MAP2K1: variants seen among roughly 807,000 people sequenced by gnomAD.
The protein encoded by MAP2K1 is dual specificity mitogen-activated protein kinase kinase 1.
Under a neutral mutation model 46.3 loss-of-function variants are expected in MAP2K1, and 16 were observed. The ratio of observed to expected loss-of-function variants is 0.35; its 90% confidence interval spans 0.23 to 0.52. The LOEUF (loss-of-function observed/expected upper bound fraction) is 0.52. Ranked by LOEUF, MAP2K1 falls within the 20% of genes least tolerant of loss-of-function variation. The pLI, the probability that MAP2K1 is intolerant of heterozygous loss-of-function variation, is 0.94. For missense variants in MAP2K1, 263 were observed against 497.1 expected (o/e 0.53, Z 4.48); for synonymous variants, 183 against 185.6 (o/e 0.99, Z 0.11).
At chr15:66,443,643 G>A (rs1891780169) in intron 4 of MAP2K1, among the ~76,000 whole-genome samples, 1 of 152,160 alleles carries the variant, frequency 6.6e-6, no homozygotes, top group South Asian at 2.1e-4. Context: ...GGCCAAGGCA[G>A]GAGGACTGCT....
chr15:66,391,842 G>T (rs1380886302), intron 1 of MAP2K1, among the ~76,000 whole-genome samples: 1 of 152,044 alleles, frequency 6.6e-6, no homozygotes, highest in African/African-American at 2.4e-5. Flanking sequence ...CTGGTTATGT[G>T]TATACCCTTG....
chr15:66,435,492 AT>A (rs1354004498), intron 2 of MAP2K1, among the ~76,000 whole-genome samples: 1 of 151,510 alleles, frequency 6.6e-6, no homozygotes, highest in Non-Finnish European at 1.5e-5. Context: ...TGCATGGCTA[AT>A]TTTTTTGTAT....
intron 1 of MAP2K1, among the ~76,000 whole-genome samples, chr15:66,418,723 C>T (rs2093430193): frequency 6.6e-6 from 1 of 151,330 alleles, no homozygotes; most frequent in Admixed American, 6.6e-5. Context: ...AGTGCAGTGG[C>T]GGGATCTCAG....
intron 5 of MAP2K1, among the ~76,000 whole-genome samples, chr15:66,472,198 G>A (rs1182224610): frequency 2.6e-5 from 4 of 152,036 alleles, no homozygotes; most frequent in African/African-American, 9.7e-5. Context: ...CAGCTATTTG[G>A]GAAGCTGAGG....
At chr15:66,409,343 T>A (rs2093405692) in intron 1 of MAP2K1, among the ~76,000 whole-genome samples, 1 of 152,176 alleles carries the variant, frequency 6.6e-6, no homozygotes, top group South Asian at 2.1e-4. Flanking sequence ...TTCCCTATTC[T>A]GTGGCGTTCT....
At position 66,479,296 on chromosome 15, in the gene MAP2K1, C is replaced by T. The variant is rs973583739; in HGVS notation, c.569-2459C>T. Among the ~76,000 whole-genome samples, 11 of 151,930 alleles carry T rather than the reference C, an allele frequency of 7.2e-5. 1 individual carries two copies. The highest frequency in any genetic ancestry group is 2.7e-4 in the African/African-American group (11 of 41,346). On this transcript the variant is annotated intron_variant, in intron 5 of 10. Transcript: ENST00000307102. ...TATCTTCACTACAGAGAAGGTTTCA[C>T]CATGTTGGCCAGGCTGGTCTTGAAC...
intron 8 of MAP2K1, chr15:66,488,799 G>C (rs896885346): frequency 8.8e-6 from 2 of 227,794 alleles, no homozygotes; most frequent in East Asian, 1.1e-4. Flanking sequence ...GTTGCTGCCA[G>C]TAAATTGCTG....
intron 5 of MAP2K1, among the ~76,000 whole-genome samples, chr15:66,452,518 G>C (rs1264508727): frequency 6.6e-6 from 1 of 152,126 alleles, no homozygotes; most frequent in Non-Finnish European, 1.5e-5. Context: ...CTAGGAAATA[G>C]GAGTAGCTGA....
chr15:66,459,982 T>A (rs978413949), intron 5 of MAP2K1, among the ~76,000 whole-genome samples: 2 of 152,228 alleles, frequency 1.3e-5, no homozygotes, highest in East Asian at 1.9e-4. Flanking sequence ...GATTCTGTTC[T>A]GAGCATGGTT....
intron 1 of MAP2K1, among the ~76,000 whole-genome samples, chr15:66,403,240 A>C (rs2093386756): frequency 6.6e-6 from 1 of 152,222 alleles, no homozygotes; most frequent in Non-Finnish European, 1.5e-5. Context: ...AGTTTACCCA[A>C]CATTAAATTT....
At chr15:66,466,698 T>C (rs991695504) in intron 5 of MAP2K1, among the ~76,000 whole-genome samples, 2 of 152,086 alleles carry the variant, frequency 1.3e-5, no homozygotes, top group African/African-American at 4.8e-5. Flanking sequence ...AAACAAATTG[T>C]TAAAACCTGT....
intron 1 of MAP2K1, among the ~76,000 whole-genome samples, chr15:66,399,418 C>G (rs1447712988): frequency 6.6e-6 from 1 of 152,124 alleles, no homozygotes; most frequent in Non-Finnish European, 1.5e-5. Flanking sequence ...GTATGATAAA[C>G]ATCACATTAA....
At chr15:66,408,561 G>T (rs576951740) in intron 1 of MAP2K1, among the ~76,000 whole-genome samples, 1 of 152,162 alleles carries the variant, frequency 6.6e-6, no homozygotes, top group East Asian at 1.9e-4. Flanking sequence ...GTATGGGGTT[G>T]TGTTGGGCGG....
intron 5 of MAP2K1, among the ~76,000 whole-genome samples, chr15:66,480,939 A>T (rs55905802): frequency 0.014 from 2,117 of 152,314 alleles, 29 homozygotes; most frequent in Non-Finnish European, 0.02. Flanking sequence ...GAATCAGAGG[A>T]TACAGCGGAA....
At position 66,469,013 on chromosome 15, in the gene MAP2K1, T is replaced by G. The variant is rs1157172178; in HGVS notation, c.569-12742T>G. 2.7e-5 allele frequency among the ~76,000 whole-genome samples: 4 copies of G among 146,848 alleles called. No homozygotes were observed. In the East Asian group the frequency reaches 8.3e-4, roughly 30 times the overall value. ...TGGCTCATGCCTGTAACCTCAGCAC[T>G]TTGGGAGGCCGAGGCGGGTGGATCA... On this transcript the variant is annotated intron_variant, in intron 5 of 10. Transcript: ENST00000307102.
intron 1 of MAP2K1, among the ~76,000 whole-genome samples, chr15:66,421,139 T>A (rs901660650): frequency 2.0e-5 from 3 of 146,564 alleles, no homozygotes; most frequent in East Asian, 4.0e-4. Flanking sequence ...TATATATATA[T>A]AAATTTTTTT....
chr15:66,426,036 T>C (rs2140563615), intron 1 of MAP2K1, among the ~76,000 whole-genome samples: 1 of 152,306 alleles, frequency 6.6e-6, no homozygotes, highest in East Asian at 1.9e-4. Context: ...AAAAGGAGAT[T>C]AGAAGAAAAT....
chr15:66,476,696 A>C (rs1449079408), intron 5 of MAP2K1, among the ~76,000 whole-genome samples: 1 of 152,188 alleles, frequency 6.6e-6, no homozygotes, highest in African/African-American at 2.4e-5. Context: ...GCTCTGAGGC[A>C]GAGGGCAGCC....
At chr15:66,488,115 G>T (rs1345758486) in intron 8 of MAP2K1, among the ~76,000 whole-genome samples, 1 of 151,908 alleles carries the variant, frequency 6.6e-6, no homozygotes, top group Non-Finnish European at 1.5e-5. Context: ...CATGGCAGTT[G>T]TTCTACTGCA....
Sources: allele counts gnomAD v4.1 joint callset (sites outside exome capture counted in the v4.1 genomes callset), GRCh38; gene constraint gnomAD v4.1.1; transcripts MANE v1.5; gene names NCBI Gene and HGNC (gene_info 2026-07-23, HGNC 2026-07-21).